Variants in KIF21A observed in about 807,000 individuals in gnomAD.
The protein encoded by KIF21A is kinesin-like protein KIF21A.
A neutral mutation model predicts 202.9 loss-of-function variants in KIF21A; 114 were observed. The observed-to-expected ratio is 0.56, with a 90% CI of 0.48 to 0.66. The LOEUF (loss-of-function observed/expected upper bound fraction) is 0.66. Ranked by LOEUF, KIF21A falls within the 30% of genes least tolerant of loss-of-function variation. The pLI is 0.00. For missense variants in KIF21A, 1,677 were observed against 1,994.9 expected (o/e 0.84, Z 3.04); for synonymous variants, 667 against 670.8 (o/e 0.99, Z 0.09).
chr12:39,442,880 G>T lies in KIF21A; in HGVS notation c.44+47C>A. ...CGCGCCACAGCCAGGTCCTTGCCGC[G>T]CCCTCAACCCGCCGCCCGCCGCCCG... On this transcript the variant is annotated intron_variant, in intron 1 of 37. Coordinates refer to ENST00000361418, the MANE Select transcript of KIF21A (RefSeq NM_001173464.2). The surrounding 1 kb of genome is among the most constrained non-coding windows in gnomAD (Gnocchi z 5.0). The T allele has an allele frequency of 6.6e-7, 1 of 1,520,624 alleles. No homozygotes were observed. Among genetic ancestry groups the T allele is most frequent in the Non-Finnish European group, 8.8e-7 (1 of 1,140,124 alleles). The allele number at this position is 1,520,624 out of a possible 1,614,324, so 94.2% of individuals were successfully genotyped here.
intron 35 of KIF21A, 93 bp downstream of exon 35, chr12:39,304,728 A>T: frequency 1.4e-6 from 1 of 731,494 alleles, no homozygotes; most frequent in Non-Finnish European, 2.4e-6. Flanking sequence ...AAAGGAAAAA[A>T]GAAAATAAGA....
chr12:39,422,125 A>AT (rs1206451866), intron 1 of KIF21A, among the ~76,000 whole-genome samples: 63 of 150,364 alleles, frequency 4.2e-4, no homozygotes, highest in African/African-American at 1.5e-3. Flanking sequence ...CATCCAGCTA[A>AT]TTTTTGTTTT....
At chr12:39,388,334 G>C (rs1951097441) in intron 1 of KIF21A, among the ~76,000 whole-genome samples, 1 of 152,130 alleles carries the variant, frequency 6.6e-6, no homozygotes, top group African/African-American at 2.4e-5. Context: ...ATCGTAAGTG[G>C]AAGCAGTCTG....
intron 19 of KIF21A, 36 bp downstream of exon 19, chr12:39,332,857 A>G: frequency 1.2e-6 from 2 of 1,610,710 alleles, no homozygotes; most frequent in East Asian, 2.2e-5. Context: ...TTAACGGCCA[A>G]GAAGATTACA....
chr12:39,373,366 A>G (rs949332932), intron 1 of KIF21A, among the ~76,000 whole-genome samples: 1 of 152,034 alleles, frequency 6.6e-6, no homozygotes, highest in African/African-American at 2.4e-5. Context: ...ACCCGCCTGA[A>G]TATTTTTCTT....
At chr12:39,361,244 A>C (rs1234382935) in intron 7 of KIF21A, among the ~76,000 whole-genome samples, 3 of 152,246 alleles carry the variant, frequency 2.0e-5, no homozygotes, top group Non-Finnish European at 2.9e-5. Flanking sequence ...TATAGTTAAG[A>C]AATAAATACA....
At chr12:39,432,306 C>T (rs1938036347) in intron 1 of KIF21A, among the ~76,000 whole-genome samples, 2 of 152,170 alleles carry the variant, frequency 1.3e-5, no homozygotes, top group South Asian at 4.1e-4. Context: ...AAAACATCCT[C>T]AGTACCATAA....
chr12:39,307,700 G>C lies in KIF21A; in HGVS notation c.4307C>G (p.Ala1436Gly). ...TSSGQVTLGD[A>G]CSASTSRTVA... ...TGTTCGACTGGTACTTGCAGAACAA[G>C]CATCTCCAAGAGTAACTTGACCTGA... Residue 1436 changes from alanine (A) to glycine (G), a missense_variant, in exon 34 of 38, where the codon GCT becomes GGT. By Grantham distance (60) the Ala-to-Gly change is moderately conservative. Transcript: ENST00000361418. The C allele has an allele frequency of 6.2e-7, 1 of 1,614,008 alleles. No homozygotes were observed. Among genetic ancestry groups the C allele is most frequent in the Non-Finnish European group, 8.5e-7 (1 of 1,179,912 alleles).
intron 1 of KIF21A, among the ~76,000 whole-genome samples, chr12:39,416,837 A>C (rs1282537373): frequency 7.3e-6 from 1 of 137,458 alleles, no homozygotes; most frequent in Non-Finnish European, 1.6e-5. Flanking sequence ...ATATATGTGT[A>C]TATATAGATA....
chr12:39,412,065 T>A (rs1397895847), intron 1 of KIF21A, among the ~76,000 whole-genome samples: 1 of 152,036 alleles, frequency 6.6e-6, no homozygotes, highest in Non-Finnish European at 1.5e-5. Context: ...GGTCTAGAAC[T>A]CCTGACCTCA....
At chr12:39,363,745 C>T (rs1458525193) in intron 6 of KIF21A, among the ~76,000 whole-genome samples, 3 of 152,200 alleles carry the variant, frequency 2.0e-5, no homozygotes. Context: ...GGGCTGGGTG[C>T]AGTGGCTCAT....
At chr12:39,399,646 A>G (rs889668084) in intron 1 of KIF21A, among the ~76,000 whole-genome samples, 2 of 152,142 alleles carry the variant, frequency 1.3e-5, no homozygotes, top group Non-Finnish European at 2.9e-5. Context: ...TCTCTCCCCC[A>G]AGTAACAAAT....
chr12:39,325,927 A>T, intron 25 of KIF21A, 34 bp from the exon 26 acceptor site: 1 of 1,557,422 alleles, frequency 6.4e-7, no homozygotes, highest in African/African-American at 1.4e-5. Flanking sequence ...CACAAGATTA[A>T]ATAGAAAATT....
chr12:39,305,368 G>GAAA (rs539400060), intron 34 of KIF21A, among the ~76,000 whole-genome samples: 5 of 78,774 alleles, frequency 6.3e-5, no homozygotes, highest in African/African-American at 7.9e-5. Flanking sequence ...TCCGACTCAA[G>GAAA]AAAAAAAAAA....
rs1211523903 is a variant in KIF21A at position 39,331,907 on chromosome 12, A to AT, written c.3052-117dup. 4 of 809,548 alleles carry AT rather than the reference A, an allele frequency of 4.9e-6. No individual in the cohort carries two copies. In the African/African-American group the frequency reaches 6.7e-5, roughly 14 times the overall value. The allele number at this position is 809,548 out of a possible 1,614,324, so 50.1% of individuals were successfully genotyped here. ...TTGGGTTAGCTAATGAGATGCTCAGATAAGTGCAATATATGATCATTACCC... is the reference window on the plus strand; with the variant it reads ...TTGGGTTAGCTAATGAGATGCTCAGATTAAGTGCAATATATGATCATTACCC... On this transcript the variant is annotated intron_variant, in intron 21 of 37. Coordinates refer to ENST00000361418, the MANE Select transcript of KIF21A (RefSeq NM_001173464.2).
intron 1 of KIF21A, among the ~76,000 whole-genome samples, chr12:39,406,675 T>C (rs558728108): frequency 6.6e-6 from 1 of 152,208 alleles, no homozygotes; most frequent in African/African-American, 2.4e-5. Flanking sequence ...TTTTCTTCCT[T>C]TCTTGGCTTC....
At chr12:39,397,775 A>G (rs73086895) in intron 1 of KIF21A, among the ~76,000 whole-genome samples, 1,664 of 152,346 alleles carry the variant, frequency 0.011, 37 homozygotes, top group African/African-American at 0.036. Context: ...CCACTGGCCT[A>G]CAAAGAGTCT....
At chr12:39,410,487 T>C (rs562034335) in intron 1 of KIF21A, among the ~76,000 whole-genome samples, 1 of 152,342 alleles carries the variant, frequency 6.6e-6, no homozygotes, top group African/African-American at 2.4e-5. Context: ...AGTTGCATAA[T>C]GTTAACTCAC....
At chr12:39,337,277 A>G (rs564263069) in intron 16 of KIF21A, 74 bp from the exon 17 acceptor site, 5 of 953,668 alleles carry the variant, frequency 5.2e-6, no homozygotes, top group Non-Finnish European at 8.5e-6. Flanking sequence ...CATATATGGA[A>G]GTAAGTTCTT....
Sources: allele counts gnomAD v4.1 joint callset (sites outside exome capture counted in the v4.1 genomes callset), GRCh38; gene constraint gnomAD v4.1.1; non-coding constraint Gnocchi (gnomAD v3.1); transcripts MANE v1.5; gene names NCBI Gene and HGNC (gene_info 2026-07-23, HGNC 2026-07-21).